AARSD1: variants seen among roughly 807,000 people sequenced by gnomAD.
The protein encoded by AARSD1 is alanyl-tRNA editing protein Aarsd1.
Under a neutral mutation model 48.7 loss-of-function variants are expected in AARSD1, and 44 were observed. The observed-to-expected ratio is 0.90, with a 90% CI of 0.71 to 1.16. The LOEUF (loss-of-function observed/expected upper bound fraction) is 1.16. AARSD1 is among the 50% of genes most tolerant of loss of function. AARSD1 has a pLI of 0.00. For synonymous variants in AARSD1, 189 were observed against 194.9 expected, an observed-to-expected ratio of 0.97 and a Z score of 0.25; for missense variants, 511 against 523.1, an observed-to-expected ratio of 0.98 and a Z score of 0.23.
chr17:42,963,718 T>C (rs2049670423), intron 2 of AARSD1, among the ~76,000 whole-genome samples: 1 of 152,078 alleles, frequency 6.6e-6, no homozygotes, highest in Non-Finnish European at 1.5e-5. Flanking sequence ...CACTAGATAA[T>C]TGCAAAGACT....
At chr17:42,961,446 G>A (rs1597718429) in intron 2 of AARSD1, 95 bp from the exon 3 acceptor site, 4 of 1,568,338 alleles carry the variant, frequency 2.6e-6, no homozygotes, top group Admixed American at 1.9e-5. Context: ...CCAGAATCTG[G>A]GCTCCCTAAG....
chr17:42,955,288 A>G, intron 7 of AARSD1, 64 bp from the exon 8 acceptor site: 1 of 1,598,202 alleles, frequency 6.3e-7, no homozygotes, highest in Non-Finnish European at 8.5e-7. Flanking sequence ...TTGGGGACAT[A>G]AATCAATAAT....
intron 9 of AARSD1, chr17:42,954,037 A>G (rs1259694695): frequency 2.0e-5 from 10 of 503,562 alleles, no homozygotes. Flanking sequence ...GTTAGAGAGT[A>G]AAGGAGGTAG....
intron 3 of AARSD1, among the ~76,000 whole-genome samples, chr17:42,960,348 A>G (rs1310202354): frequency 1.3e-5 from 2 of 152,026 alleles, no homozygotes; most frequent in East Asian, 3.9e-4. Flanking sequence ...ATCAATTAGG[A>G]AACTGTTAGA....
At chr17:42,960,721 CAAAAAAAAAA>C (rs912931801) in intron 3 of AARSD1, among the ~76,000 whole-genome samples, 2 of 77,882 alleles carry the variant, frequency 2.6e-5, no homozygotes, top group African/African-American at 8.6e-5. Context: ...AACTCTGTGT[CAAAAAAAAAA>C]AAAAAAAAGA....
At chr17:42,956,868 C>G (rs894805247) in intron 4 of AARSD1, among the ~76,000 whole-genome samples, 8 of 147,886 alleles carry the variant, frequency 5.4e-5, no homozygotes, top group Admixed American at 1.4e-4. Flanking sequence ...GGGGTTTCAC[C>G]GTGTTAGCCA....
At chr17:42,957,476 C>CTTT (rs1165420812) in intron 3 of AARSD1, 1,535 of 82,876 alleles carry the variant, frequency 0.019, 12 homozygotes, top group East Asian at 0.023. Context: ...ACTTAACTTC[C>CTTT]TTTTTTTTTT....
chr17:42,952,095 G>A (rs2292539), intron 10 of AARSD1: 380,302 of 561,792 alleles, frequency 0.68, 133,099 homozygotes, highest in East Asian at 0.85. Context: ...TGGGAACTTA[G>A]GTGAAACATT....
chr17:42,959,270 G>A lies in AARSD1; in HGVS notation c.331+1922C>T, dbSNP rs555728428. 6.0e-5 allele frequency among the ~76,000 whole-genome samples: 9 copies of A among 150,820 alleles called. No individual in the cohort carries two copies. The South Asian group carries it at 6.3e-4, about 11-fold the overall frequency. On this transcript the variant is annotated intron_variant, in intron 3 of 11. Coordinates refer to ENST00000427569, the MANE Select transcript of AARSD1 (RefSeq NM_001261434.2). ...GTCTTGCTCTGTTGCCCAGGCTGGC[G>A]TGCAGTGGTGCCATCTCAGCTCACT... is the stretch of plus-strand genomic sequence containing the variant.
chr17:42,961,488 A>G, intron 2 of AARSD1, 137 bp from the exon 3 acceptor site: 1 of 1,245,760 alleles, frequency 8.0e-7, no homozygotes, highest in South Asian at 1.4e-5. Flanking sequence ...AAGTGAAATG[A>G]GTCCACTTTG....
intron 10 of AARSD1, 133 bp downstream of exon 10, chr17:42,953,591 A>T: frequency 8.7e-7 from 1 of 1,152,776 alleles, no homozygotes; most frequent in East Asian, 2.4e-5. Flanking sequence ...CTAAGAAAAC[A>T]GTATTGAATG....
At chr17:42,962,713 T>C (rs2049655112) in intron 2 of AARSD1, among the ~76,000 whole-genome samples, 1 of 152,166 alleles carries the variant, frequency 6.6e-6, no homozygotes, top group Admixed American at 6.6e-5. Context: ...CTGAACATGT[T>C]CTCTCATGTC....
At chr17:42,964,058 T>C (rs1374755188) in intron 2 of AARSD1, 48 bp downstream of exon 2, 2 of 1,611,764 alleles carry the variant, frequency 1.2e-6, no homozygotes, top group Non-Finnish European at 1.7e-6. Flanking sequence ...CATTTCGGCC[T>C]GAGCACAAAG....
intron 3 of AARSD1, among the ~76,000 whole-genome samples, chr17:42,959,972 C>A (rs1344771110): frequency 6.6e-6 from 1 of 151,904 alleles, no homozygotes; most frequent in African/African-American, 2.4e-5. Flanking sequence ...GCCATATTTT[C>A]ATTTTTAAGA....
Position 42,956,397 on chromosome 17 carries a change from C to T in AARSD1, c.546+7G>A, listed in dbSNP as rs1672072681. The T allele has an allele frequency of 5.0e-6, 8 of 1,612,046 alleles. No individual in the cohort carries two copies. The African/African-American group carries it at 9.6e-5, about 19-fold the overall frequency. On this transcript the variant is annotated splice_region_variant and intron_variant, in intron 5 of 11. Coordinates refer to ENST00000427569, the MANE Select transcript of AARSD1 (RefSeq NM_001261434.2). ...CGCAGAAACCATCCCTCTGGCTCTACCCTTACCTGCTCCACCTCAGGATCA... is the reference window on the plus strand; with the variant it reads ...CGCAGAAACCATCCCTCTGGCTCTATCCTTACCTGCTCCACCTCAGGATCA...
chr17:42,964,132 CTG>C lies in AARSD1; in HGVS notation c.143_144del (p.Thr48SerfsTer5), dbSNP rs748750078. 1.9e-6 allele frequency: 3 copies of C among 1,614,224 alleles called. No individual in the cohort carries two copies. The highest frequency in any genetic ancestry group is 2.2e-5 in the East Asian group (1 of 44,888). The stretch of plus-strand genomic sequence containing the variant: ...TGTCCCCCGCCCTCAGGGAAAAGCA[CTG>C]TGTCTTCCAGCACCACTTGGAAACC... ...LSGFQVVLED[T>X]VLFPEGGGQP... is the part of the protein sequence containing the mutation. On this transcript the variant is annotated frameshift_variant, in exon 2 of 12. Transcript: ENST00000427569. LOFTEE classifies it high-confidence loss of function.
chr17:42,961,309 C>G lies in AARSD1; in HGVS notation c.214G>C (p.Val72Leu), dbSNP rs745544457. The change falls in exon 3 of 12, where the codon GTG becomes CTG. Residue 72 changes from valine (V) to leucine (L), a missense_variant. Coordinates refer to ENST00000427569, the MANE Select transcript of AARSD1 (RefSeq NM_001261434.2). The stretch of plus-strand genomic sequence containing the variant: ...TCAGCCTGTTCCCCACGGCGAGTCA[C>G]TCTCAGCACAGAGATGTCATTGATT... ...GTINDISVLRVTRRGEQADHF... is the reference protein window; with the variant it reads ...GTINDISVLRLTRRGEQADHF... 35 of 1,614,062 alleles carry G rather than the reference C, an allele frequency of 2.2e-5. No individual in the cohort carries two copies. The South Asian group carries it at 3.7e-4, about 17-fold the overall frequency.
intron 9 of AARSD1, among the ~76,000 whole-genome samples, chr17:42,954,278 C>A: frequency 6.6e-6 from 1 of 152,096 alleles, no homozygotes; most frequent in Non-Finnish European, 1.5e-5. Flanking sequence ...ACCGCTTGGA[C>A]CCAGGAGGCA....
chr17:42,963,716 A>G (rs2049670389), intron 2 of AARSD1, among the ~76,000 whole-genome samples: 1 of 151,996 alleles, frequency 6.6e-6, no homozygotes, highest in African/African-American at 2.4e-5. Context: ...ACCACTAGAT[A>G]ATTGCAAAGA....
Sources: allele counts gnomAD v4.1 joint callset (sites outside exome capture counted in the v4.1 genomes callset), GRCh38; gene constraint gnomAD v4.1.1; transcripts MANE v1.5; gene names NCBI Gene and HGNC (gene_info 2026-07-23, HGNC 2026-07-21).